Variants in TMEM255A observed in about 807,000 individuals in gnomAD.
TMEM255A encodes the protein transmembrane protein 255A.
Under a neutral mutation model 23.5 loss-of-function variants are expected in TMEM255A, and 14 were observed. The ratio of observed to expected loss-of-function variants is 0.60; its 90% CI spans 0.39 to 0.93. The LOEUF (loss-of-function observed/expected upper bound fraction) is 0.93, where lower values mean the gene tolerates loss of function less well. Ranked by LOEUF, TMEM255A falls within the 40% of genes least tolerant of loss-of-function variation. The probability of loss-of-function intolerance (pLI) is 0.00; values close to 1 mark genes in which losing one functional copy is unlikely to be tolerated. For synonymous variants in TMEM255A, 104 were observed against 100.3 expected, an observed-to-expected ratio of 1.04 and a Z score of -0.22; for missense variants, 233 against 261.7, an observed-to-expected ratio of 0.89 and a Z score of 0.76.
chrX:120,268,476 C>G (rs1392573829), intron 7 of TMEM255A, 89 bp from the exon 8 acceptor site: 3 of 664,638 alleles, frequency 4.5e-6, no homozygotes, highest in Non-Finnish European at 6.4e-6. Context: ...CTATGGAATA[C>G]CATGCAGCTA....
At chrX:120,307,476 C>A (rs1157735723) in intron 1 of TMEM255A, among the ~76,000 whole-genome samples, 1 of 112,165 alleles carries the variant, frequency 8.9e-6, no homozygotes, top group Non-Finnish European at 1.9e-5. Flanking sequence ...TTAAATAAAG[C>A]AGCAGGTATA....
chrX:120,296,438 C>CTATTCTATTCTATTCT (rs2057956551), intron 2 of TMEM255A, among the ~76,000 whole-genome samples: 1 of 23,500 alleles, frequency 4.3e-5, no homozygotes, highest in African/African-American at 2.3e-4. Context: ...TATTCTATTC[C>CTATTCTATTCTATTCT]ACTCCAATGC....
At position 120,293,686 on chromosome X, in the gene TMEM255A, T is replaced by C. The variant is rs144650384; in HGVS notation, c.264+303A>G. ...ATTCTAGGTGAGGACCATAGCCTGATTGGATAGGTTGGAGCACTCCTTTGG... is the reference window on the plus strand; with the variant it reads ...ATTCTAGGTGAGGACCATAGCCTGACTGGATAGGTTGGAGCACTCCTTTGG... On this transcript the variant is annotated intron_variant, in intron 3 of 8. Transcript: ENST00000371369. Among the ~76,000 whole-genome samples the C allele has an allele frequency of 3.1e-3, 347 of 112,051 alleles. 2 individuals carry two copies. The highest frequency in any genetic ancestry group is 0.011 in the African/African-American group (324 of 30,814).
intron 1 of TMEM255A, among the ~76,000 whole-genome samples, chrX:120,305,015 C>T (rs2058055826): frequency 9.0e-6 from 1 of 111,417 alleles, no homozygotes; most frequent in African/African-American, 3.3e-5. Context: ...CTGACATTTG[C>T]CACCTCATGT....
chrX:120,266,140 C>T (rs1468715516), intron 8 of TMEM255A, among the ~76,000 whole-genome samples: 10 of 101,778 alleles, frequency 9.8e-5, no homozygotes, highest in Non-Finnish European at 2.0e-4. Flanking sequence ...AGCGACAGGG[C>T]AAGACTCTGT....
chrX:120,304,296 G>C (rs2058049945), intron 2 of TMEM255A, 53 bp downstream of exon 2: 1 of 1,150,171 alleles, frequency 8.7e-7, no homozygotes, highest in Non-Finnish European at 1.2e-6. Context: ...AGCAGAGCCA[G>C]AATTTCTGTA....
chrX:120,303,069 T>A (rs1274625705), intron 2 of TMEM255A, among the ~76,000 whole-genome samples: 1 of 111,825 alleles, frequency 8.9e-6, no homozygotes, highest in African/African-American at 3.3e-5. Flanking sequence ...GTTTAAAATA[T>A]GATCTCACCT....
downstream of TMEM255A, chrX:120,255,657 C>T (rs961956166): frequency 2.8e-6 from 1 of 356,485 alleles, no homozygotes; most frequent in African/African-American, 2.6e-5. Context: ...AGTTAGTTTT[C>T]AGCTCATTTA....
chrX:120,257,490 C>T (rs1164091615), downstream of TMEM255A: 1 of 122,868 alleles, frequency 8.1e-6, no homozygotes, highest in African/African-American at 3.3e-5. Context: ...AAACCAGGAA[C>T]TAATTCTATA....
intron 7 of TMEM255A, among the ~76,000 whole-genome samples, chrX:120,273,816 G>A (rs782193790): frequency 8.9e-6 from 1 of 112,031 alleles, no homozygotes; most frequent in East Asian, 2.8e-4. Context: ...AGGTAGGAAC[G>A]TAAAATGACA....
Position 120,285,857 on chromosome X carries a change from G to A in TMEM255A, c.424-642C>T, listed in dbSNP as rs782109041. The A allele has an allele frequency of 1.3e-5, 16 of 1,199,628 alleles. No homozygotes were observed. In the Admixed American group the frequency reaches 3.5e-4, roughly 26 times the overall value. ...TTACACATTTTGAGTTAGCAAAAAG[G>A]TTTTAAAAACGGAAAAGAATTTCAT... On this transcript the variant is annotated intron_variant, in intron 5 of 8. Transcript: ENST00000371369.
At chrX:120,269,522 G>C (rs961837394) in intron 7 of TMEM255A, among the ~76,000 whole-genome samples, 3 of 111,880 alleles carry the variant, frequency 2.7e-5, no homozygotes, top group African/African-American at 9.8e-5. Context: ...AGTCACAAAG[G>C]CAACCATGTT....
intron 1 of TMEM255A, 79 bp from the exon 2 acceptor site, chrX:120,304,570 GT>G: frequency 9.4e-7 from 1 of 1,068,919 alleles, no homozygotes; most frequent in African/African-American, 1.9e-5. Context: ...CACTAAGAAG[GT>G]TTTCCTTTCC....
downstream of TMEM255A, chrX:120,257,607 T>A (rs1556015737): frequency 8.1e-6 from 1 of 123,601 alleles, no homozygotes; most frequent in Non-Finnish European, 1.9e-5. Flanking sequence ...ACTAAAGGTA[T>A]CTTCTGGAGT....
At chrX:120,305,886 G>C (rs2058061839) in intron 1 of TMEM255A, among the ~76,000 whole-genome samples, 1 of 111,576 alleles carries the variant, frequency 9.0e-6, no homozygotes, top group Non-Finnish European at 1.9e-5. Context: ...CCCCAGTACT[G>C]TCCCTGCTGA....
At position 120,260,737 on chromosome X, in the gene TMEM255A, T is replaced by C. The variant is rs2057672677; in HGVS notation, c.*133A>G. 2 of 917,750 alleles carry C rather than the reference T, an allele frequency of 2.2e-6. No homozygotes were observed. Among genetic ancestry groups the C allele is most frequent in the South Asian group, 5.1e-5 (2 of 39,064 alleles). 75.6% of individuals were successfully genotyped at this position (917,750 alleles called of 1,213,427 possible). ...ATAATGAATAAGCTTCGTCCCTATC[T>C]TTCCCTAGCCTGGCAGGCCATTGTA... On this transcript the variant is annotated 3_prime_UTR_variant, in exon 9 of 9. Coordinates refer to ENST00000371369, the MANE Select transcript of TMEM255A (RefSeq NM_001104544.3).
rs953940818 is a variant in TMEM255A at position 120,275,432 on chromosome X, C to A, written c.675+1453G>T. Among the ~76,000 whole-genome samples, 10 of 111,851 alleles carry A rather than the reference C, an allele frequency of 8.9e-5. No individual in the cohort carries two copies. In the East Asian group the frequency reaches 2.8e-3, roughly 31 times the overall value. On this transcript the variant is annotated intron_variant, in intron 7 of 8. Transcript: ENST00000371369. ...CAAAACGACAGAGTTTCTTTCTTTT[C>A]CCTTGTCCTACCCCACCTTTCACTT...
At chrX:120,253,524 A>C in the TMEM255A span, 1 of 1,211,731 alleles carries the variant, frequency 8.3e-7, no homozygotes. Flanking sequence ...TGTTACCGTT[A>C]TTGTGGAAGA....
At chrX:120,289,598 G>A (rs886304963) in intron 4 of TMEM255A, among the ~76,000 whole-genome samples, 2 of 112,025 alleles carry the variant, frequency 1.8e-5, no homozygotes, top group Admixed American at 9.5e-5. Context: ...AGCCACTTTG[G>A]AAAATACTCT....
Sources: gnomAD v4.1 joint callset for allele counts (sites outside exome capture counted in the v4.1 genomes callset) on GRCh38, gnomAD v4.1.1 for gene constraint, MANE v1.5 for transcripts, NCBI Gene and HGNC (gene_info 2026-07-23, HGNC 2026-07-21) for gene names.